Variants in BTF3L4 observed in about 807,000 individuals in gnomAD.
The protein encoded by BTF3L4 is transcription factor BTF3 homolog 4.
Under a neutral mutation model 16.8 loss-of-function variants are expected in BTF3L4, and 6 were observed. The ratio of observed to expected loss-of-function variants is 0.36; its 90% confidence interval spans 0.20 to 0.71. The LOEUF is 0.71. BTF3L4 is among the 30% of genes least tolerant of loss of function. The probability of loss-of-function intolerance (pLI) is 0.58; values close to 1 mark genes in which losing one functional copy is unlikely to be tolerated. For synonymous variants in BTF3L4, 39 were observed against 59.8 expected (o/e 0.65, Z 1.60); for missense variants, 92 against 186.9 (o/e 0.49, Z 2.96).
chr1:52,077,055 C>G (rs1686952315), intron 3 of BTF3L4, among the ~76,000 whole-genome samples: 1 of 152,072 alleles, frequency 6.6e-6, no homozygotes, highest in South Asian at 2.1e-4. Flanking sequence ...GTAGTCCTAC[C>G]AACCTAGGAG....
intron 1 of BTF3L4, 64 bp from the exon 2 acceptor site, chr1:52,059,771 G>A (rs1395646565): frequency 1.9e-5 from 27 of 1,405,126 alleles, no homozygotes; most frequent in South Asian, 4.7e-5. Context: ...AGGTACTGTT[G>A]CATAAACAGT....
intron 3 of BTF3L4, among the ~76,000 whole-genome samples, chr1:52,076,528 A>C (rs1686938872): frequency 6.7e-6 from 1 of 149,730 alleles, no homozygotes; most frequent in African/African-American, 2.5e-5. Context: ...AGTGAGCCGG[A>C]GGTTGCAGTG....
At chr1:52,075,286 G>T (rs897450498) in intron 3 of BTF3L4, among the ~76,000 whole-genome samples, 3 of 151,054 alleles carry the variant, frequency 2.0e-5, no homozygotes, top group Non-Finnish European at 4.4e-5. Context: ...GGGCGCGGTG[G>T]CTCACGCCTG....
chr1:52,075,639 G>GTATATAATAAAATATATGTATATTTT (rs1234386413), intron 3 of BTF3L4, among the ~76,000 whole-genome samples: 2 of 145,632 alleles, frequency 1.4e-5, no homozygotes, highest in African/African-American at 5.0e-5. Context: ...TTATATATTT[G>GTATATAATAAAATATATGTATATTTT]TATATAATAA....
intron 2 of BTF3L4, chr1:52,060,559 T>A: frequency 8.3e-7 from 1 of 1,211,644 alleles, no homozygotes; most frequent in South Asian, 1.4e-5. Context: ...TCTCTTCAGC[T>A]GTGGCACCAG....
intron 3 of BTF3L4, among the ~76,000 whole-genome samples, chr1:52,072,030 G>GT (rs201067384): frequency 0.12 from 7,629 of 61,998 alleles, 729 homozygotes; most frequent in African/African-American, 0.26. Context: ...GTTTTTTTTT[G>GT]TTTTTTTTTT....
At chr1:52,080,818 G>A (rs1156368718) in intron 3 of BTF3L4, among the ~76,000 whole-genome samples, 1 of 149,524 alleles carries the variant, frequency 6.7e-6, no homozygotes, top group African/African-American at 2.5e-5. Flanking sequence ...ACAGGCGTGA[G>A]CCACTGCGCT....
intron 3 of BTF3L4, among the ~76,000 whole-genome samples, chr1:52,071,999 A>G (rs1686800594): frequency 6.9e-6 from 1 of 145,760 alleles, no homozygotes; most frequent in South Asian, 2.2e-4. Context: ...ATATATCACA[A>G]AATTTGCCAT....
At chr1:52,080,667 G>A (rs1226254958) in intron 3 of BTF3L4, among the ~76,000 whole-genome samples, 4 of 151,106 alleles carry the variant, frequency 2.6e-5, no homozygotes, top group African/African-American at 9.7e-5. Flanking sequence ...CTGAGTAGCT[G>A]GGGTTATAGG....
chr1:52,079,381 C>CAAAAAA, intron 3 of BTF3L4, among the ~76,000 whole-genome samples: 1 of 126,318 alleles, frequency 7.9e-6, no homozygotes, highest in Middle Eastern at 3.8e-3. Context: ...GACTCCATCT[C>CAAAAAA]AAAAAAAAAA....
intron 3 of BTF3L4, among the ~76,000 whole-genome samples, chr1:52,066,686 T>TA (rs547590841): frequency 0.013 from 1,855 of 146,348 alleles, 34 homozygotes; most frequent in African/African-American, 0.044. Context: ...TACTAAAAAT[T>TA]AAAAAAAAAA....
At position 52,069,742 on chromosome 1, in the gene BTF3L4, G is replaced by A. The variant is rs574809251; in HGVS notation, c.168+4804G>A. Among the ~76,000 whole-genome samples the A allele has an allele frequency of 7.2e-5, 11 of 152,220 alleles. No individual in the cohort carries two copies. The South Asian group carries it at 2.1e-3, about 29-fold the overall frequency. ...GCTCAGTTTAGGGAGTGAGGAACAG[G>A]GAGAGCAGTAGTGGATCTCAAAATT... On this transcript the variant is annotated intron_variant, in intron 3 of 5. Coordinates refer to ENST00000313334, the MANE Select transcript of BTF3L4 (RefSeq NM_152265.5).
At position 52,086,777 on chromosome 1, in the gene BTF3L4, C is replaced by G; in HGVS notation, c.*19C>G. 1 of 1,568,718 alleles carries G rather than the reference C, an allele frequency of 6.4e-7. No individual in the cohort carries two copies. Among genetic ancestry groups the G allele is most frequent in the Non-Finnish European group, 8.7e-7 (1 of 1,150,414 alleles). On this transcript the variant is annotated 3_prime_UTR_variant, in exon 6 of 6. Transcript: ENST00000313334. ...TAACTAAAAGTTTGGTTTTTGGAAGCTGGCATGGACTAGATTTAACAAATC... is the reference window on the plus strand; with the variant it reads ...TAACTAAAAGTTTGGTTTTTGGAAGGTGGCATGGACTAGATTTAACAAATC...
At chr1:52,069,409 G>A (rs1288066628) in intron 3 of BTF3L4, among the ~76,000 whole-genome samples, 1 of 151,448 alleles carries the variant, frequency 6.6e-6, no homozygotes, top group African/African-American at 2.4e-5. Flanking sequence ...TTCTTGAGAA[G>A]GAAAAAAGAA....
At chr1:52,071,983 C>CTA (rs1217215197) in intron 3 of BTF3L4, among the ~76,000 whole-genome samples, 31 of 131,926 alleles carry the variant, frequency 2.3e-4, no homozygotes, top group Admixed American at 1.3e-3. Flanking sequence ...GTAGATATAT[C>CTA]TATATATATA....
intron 4 of BTF3L4, among the ~76,000 whole-genome samples, chr1:52,085,183 G>A (rs1402774136): frequency 6.6e-6 from 1 of 151,190 alleles, no homozygotes. Context: ...ACTGCGCCTG[G>A]CTAATTTTTA....
intron 3 of BTF3L4, among the ~76,000 whole-genome samples, chr1:52,076,280 AAAAG>A (rs1229530333): frequency 2.0e-5 from 3 of 151,022 alleles, no homozygotes; most frequent in East Asian, 3.9e-4. Flanking sequence ...AGTCTCAAAA[AAAAG>A]AAAGAAAAAG....
chr1:52,056,917 C>T (rs1339104491), intron 1 of BTF3L4, among the ~76,000 whole-genome samples: 1 of 152,200 alleles, frequency 6.6e-6, no homozygotes, highest in East Asian at 1.9e-4. Flanking sequence ...CCGACAGGCT[C>T]AGTGTTGCAC....
rs1643985253 is a variant in BTF3L4 at position 52,087,737 on chromosome 1, A to G, written c.*979A>G. 1 of 152,592 alleles carries G rather than the reference A, an allele frequency of 6.6e-6. No individual in the cohort carries two copies. The highest frequency in any genetic ancestry group is 6.5e-5 in the Admixed American group (1 of 15,268). 9.5% of individuals were successfully genotyped at this position (152,592 alleles called of 1,614,324 possible). Reference sequence around the variant, plus strand: ...GCTGTTCTTAACAGCAGGTACAAAAATGCCTGTTTTTCAGCAAGGTTGAAA... The same window carrying G: ...GCTGTTCTTAACAGCAGGTACAAAAGTGCCTGTTTTTCAGCAAGGTTGAAA... On this transcript the variant is annotated 3_prime_UTR_variant, in exon 6 of 6. Coordinates refer to ENST00000313334, the MANE Select transcript of BTF3L4 (RefSeq NM_152265.5).
Sources: allele counts gnomAD v4.1 joint callset (sites outside exome capture counted in the v4.1 genomes callset), GRCh38; gene constraint gnomAD v4.1.1; transcripts MANE v1.5; gene names NCBI Gene and HGNC (gene_info 2026-07-23, HGNC 2026-07-21).